The following DLGAP2 variants were observed in gnomAD, a reference collection of about 807,000 sequenced individuals.
DLGAP2 encodes the protein disks large-associated protein 2.
DLGAP2 carries 26 observed loss-of-function variants against 100.3 expected under a neutral mutation model. That is an observed-to-expected ratio of 0.26 (90% CI 0.19 to 0.36). The LOEUF (loss-of-function observed/expected upper bound fraction) is 0.36. Ranked by LOEUF, DLGAP2 falls within the 10% of genes least tolerant of loss-of-function variation. The pLI, the probability that DLGAP2 is intolerant of heterozygous loss-of-function variation, is 1.00. For missense variants in DLGAP2, 1,858 were observed against 1,453.2 expected (o/e 1.28, Z -4.53); for synonymous variants, 886 against 630.1 (o/e 1.41, Z -6.08).
intron 6 of DLGAP2, among the ~76,000 whole-genome samples, chr8:1,578,529 A>G (rs1157358082): frequency 6.6e-6 from 1 of 152,134 alleles, no homozygotes; most frequent in Non-Finnish European, 1.5e-5. Context: ...CTTCTAAACC[A>G]CAGAGCAGAG....
chr8:855,128 A>T (rs142324392), intron 1 of DLGAP2, among the ~76,000 whole-genome samples: 1 of 152,314 alleles, frequency 6.6e-6, no homozygotes, highest in African/African-American at 2.4e-5. Flanking sequence ...TGCTGTGTGC[A>T]GCGTCTTCGT....
chr8:976,963 C>G (rs994561069), intron 2 of DLGAP2, among the ~76,000 whole-genome samples: 2 of 152,164 alleles, frequency 1.3e-5, no homozygotes, highest in African/African-American at 4.8e-5. Flanking sequence ...TTAAAAACTT[C>G]TTTGTGAAGA....
chr8:1,206,704 G>T (rs144840834), intron 2 of DLGAP2, among the ~76,000 whole-genome samples: 205 of 151,898 alleles, frequency 1.3e-3, no homozygotes, highest in African/African-American at 4.7e-3. Flanking sequence ...CTGGTCTCCC[G>T]AGCGCCTGGC....
At chr8:1,605,179 C>T (rs1158067977) in intron 6 of DLGAP2, among the ~76,000 whole-genome samples, 2 of 152,130 alleles carry the variant, frequency 1.3e-5, no homozygotes, top group African/African-American at 2.4e-5. Context: ...CCGTGACTTA[C>T]CCAGGTTCAT....
intron 4 of DLGAP2, among the ~76,000 whole-genome samples, chr8:1,536,442 C>A (rs1361282015): frequency 6.6e-6 from 1 of 152,172 alleles, no homozygotes; most frequent in Non-Finnish European, 1.5e-5. Context: ...ATTAGCCATA[C>A]AGAGGCAGGT....
intron 2 of DLGAP2, among the ~76,000 whole-genome samples, chr8:995,403 G>A (rs1584956273): frequency 6.6e-6 from 1 of 152,118 alleles, no homozygotes; most frequent in South Asian, 2.1e-4. Context: ...TTTATTTCTT[G>A]AAAGATGTTT....
At chr8:1,433,594 G>A (rs7814752) in intron 3 of DLGAP2, among the ~76,000 whole-genome samples, 32,327 of 152,106 alleles carry the variant, frequency 0.21, 3,851 homozygotes, top group Middle Eastern at 0.29. Flanking sequence ...GTGCACAGTC[G>A]GACACTGGGC....
chr8:1,221,414 T>C (rs1798312273), intron 2 of DLGAP2, among the ~76,000 whole-genome samples: 1 of 152,228 alleles, frequency 6.6e-6, no homozygotes, highest in African/African-American at 2.4e-5. Flanking sequence ...TTACGGATGC[T>C]GAATATAGTT....
At chr8:1,607,343 C>A (rs1173525480) in intron 6 of DLGAP2, among the ~76,000 whole-genome samples, 5 of 152,164 alleles carry the variant, frequency 3.3e-5, no homozygotes, top group Non-Finnish European at 7.3e-5. Context: ...TACTGACACC[C>A]ATATCCTGGA....
At chr8:1,253,336 A>G (rs1006210480) in intron 2 of DLGAP2, among the ~76,000 whole-genome samples, 7 of 152,104 alleles carry the variant, frequency 4.6e-5, no homozygotes, top group African/African-American at 7.2e-5. Flanking sequence ...TCCCGGCTCC[A>G]TCGGCTGCTA....
At chr8:1,635,780 A>G (rs1797751624) in intron 8 of DLGAP2, among the ~76,000 whole-genome samples, 1 of 152,222 alleles carries the variant, frequency 6.6e-6, no homozygotes, top group African/African-American at 2.4e-5. Context: ...TGCATGAAAG[A>G]TGTATTGAGA....
chr8:1,431,652 G>A (rs1797444025), intron 3 of DLGAP2, among the ~76,000 whole-genome samples: 1 of 143,850 alleles, frequency 7.0e-6, no homozygotes, highest in African/African-American at 2.5e-5. Flanking sequence ...ATGAGACCGG[G>A]GCTTGTCCTT....
intron 1 of DLGAP2, among the ~76,000 whole-genome samples, chr8:877,803 T>C (rs1306513575): frequency 6.6e-6 from 1 of 152,124 alleles, no homozygotes; most frequent in Non-Finnish European, 1.5e-5. Flanking sequence ...TTGGCTCCTT[T>C]GGAAAGAGAT....
chr8:894,493 G>T (rs1160156919), intron 1 of DLGAP2, among the ~76,000 whole-genome samples: 1 of 151,626 alleles, frequency 6.6e-6, no homozygotes, highest in Non-Finnish European at 1.5e-5. Context: ...GATGGAGCTG[G>T]GGGACACCGT....
chr8:1,070,641 GAGTGTGTCTGTTCAGACAC>G (rs1325909605), intron 2 of DLGAP2, among the ~76,000 whole-genome samples: 2 of 152,148 alleles, frequency 1.3e-5, no homozygotes, highest in African/African-American at 4.8e-5. Context: ...TGAAAAGTGT[GAGTGTGTCTGTTCAGACAC>G]ACATACAGAC....
chr8:1,362,211 C>T (rs1216193875), intron 3 of DLGAP2, among the ~76,000 whole-genome samples: 1 of 152,070 alleles, frequency 6.6e-6, no homozygotes, highest in Non-Finnish European at 1.5e-5. Context: ...GGCAGCGAGT[C>T]CTCGGGAACT....
At chr8:779,010 C>T (rs1352916848) in intron 1 of DLGAP2, among the ~76,000 whole-genome samples, 2 of 152,246 alleles carry the variant, frequency 1.3e-5, no homozygotes, top group African/African-American at 2.4e-5. Context: ...GGGGTAGGAC[C>T]CTCTGAGCCA....
At chr8:1,098,676 G>GTAGGGCCCTT in intron 2 of DLGAP2, among the ~76,000 whole-genome samples, 1 of 129,428 alleles carries the variant, frequency 7.7e-6, no homozygotes, top group Non-Finnish European at 1.7e-5. Context: ...CAGGCTCCCG[G>GTAGGGCCCTT]CCGCCCACGG....
chr8:943,464 G>A (rs1405596675), intron 2 of DLGAP2, among the ~76,000 whole-genome samples: 4 of 152,234 alleles, frequency 2.6e-5, no homozygotes, highest in Admixed American at 1.3e-4. Context: ...GAGCTCCGGT[G>A]TGTGGACGTC....
Sources: gnomAD v4.1 joint callset for allele counts (sites outside exome capture counted in the v4.1 genomes callset) on GRCh38, gnomAD v4.1.1 for gene constraint, MANE v1.5 for transcripts, NCBI Gene and HGNC (gene_info 2026-07-23, HGNC 2026-07-21) for gene names.